The following MACROD1 variants were observed in gnomAD, a reference collection of about 807,000 sequenced individuals.
MACROD1 encodes ADP-ribose glycohydrolase MACROD1.
MACROD1 carries 31 observed loss-of-function variants against 41.4 expected under a neutral mutation model. That is an observed-to-expected ratio of 0.75 (90% CI 0.56 to 1.01). MACROD1 has a LOEUF of 1.01. Among genes scored for constraint, MACROD1 ranks in the 50% least tolerant of loss-of-function variants. The pLI is 0.00. For missense variants in MACROD1, 473 were observed against 460.0 expected, an observed-to-expected ratio of 1.03 and a Z score of -0.26; for synonymous variants, 252 against 203.4, an observed-to-expected ratio of 1.24 and a Z score of -2.03.
intron 3 of MACROD1, among the ~76,000 whole-genome samples, chr11:64,132,245 G>C (rs1477623553): frequency 6.6e-6 from 1 of 152,180 alleles, no homozygotes; most frequent in Non-Finnish European, 1.5e-5. Context: ...TTTGATGCCT[G>C]CTGGCTTTGG....
rs1009125030 is a variant in MACROD1, at chr11:64,165,869, G to A, written c.126C>T (p.Cys42=). 3.5e-6 allele frequency: 5 copies of A among 1,435,862 alleles called. No individual in the cohort carries two copies. The highest frequency in any genetic ancestry group is 6.1e-5 in the East Asian group (2 of 32,882). 88.9% of individuals were successfully genotyped at this position (1,435,862 alleles called of 1,614,324 possible). The change falls in exon 1 of 11, where the codon TGC becomes TGT. Residue 42 remains cysteine (C), a synonymous_variant. Transcript: ENST00000255681. ...AGATRTRSST[C]GPPAFLGVFG... ...ACACGCCCAGGAACGCCGGGGGACC[G>A]CACGTGCTGCTGCGGGTCCTCGTGG...
intron 3 of MACROD1, among the ~76,000 whole-genome samples, chr11:64,126,282 C>T (rs1945179168): frequency 6.6e-6 from 1 of 152,140 alleles, no homozygotes; most frequent in South Asian, 2.1e-4. Flanking sequence ...AGGCCAAGAG[C>T]CATGGGGAGG....
intron 3 of MACROD1, among the ~76,000 whole-genome samples, chr11:64,072,101 T>A (rs1312239961): frequency 6.6e-6 from 1 of 152,166 alleles, no homozygotes; most frequent in Non-Finnish European, 1.5e-5. Flanking sequence ...ACTGCTGAAC[T>A]CATAACCGCT....
At chr11:64,050,074 C>T (rs988141871) in intron 3 of MACROD1, among the ~76,000 whole-genome samples, 3 of 152,170 alleles carry the variant, frequency 2.0e-5, no homozygotes, top group Non-Finnish European at 2.9e-5. Context: ...ACTCTTCCCT[C>T]GAGATCTCTC....
chr11:64,051,663 C>T (rs746721921), intron 3 of MACROD1, among the ~76,000 whole-genome samples: 3 of 152,320 alleles, frequency 2.0e-5, no homozygotes, highest in East Asian at 1.9e-4. Context: ...CAGCCCTCTC[C>T]GAGCTCACGG....
intron 3 of MACROD1, among the ~76,000 whole-genome samples, chr11:64,018,663 C>G (rs993598072): frequency 9.9e-5 from 15 of 152,200 alleles, no homozygotes; most frequent in African/African-American, 3.6e-4. Context: ...GCTTGAGCCT[C>G]TAAGTCCCCT....
At chr11:64,021,579 G>A (rs1020013401) in intron 3 of MACROD1, among the ~76,000 whole-genome samples, 11 of 152,202 alleles carry the variant, frequency 7.2e-5, no homozygotes, top group Non-Finnish European at 1.2e-4. Flanking sequence ...CCTGGAGGCC[G>A]CCTCCACTCC....
chr11:64,086,432 C>G (rs1944396794), intron 3 of MACROD1, among the ~76,000 whole-genome samples: 1 of 152,034 alleles, frequency 6.6e-6, no homozygotes, highest in South Asian at 2.1e-4. Context: ...CAGCTTTCTA[C>G]TCTCCAGTCC....
At chr11:64,104,904 G>T (rs746600245) in intron 3 of MACROD1, among the ~76,000 whole-genome samples, 1 of 152,178 alleles carries the variant, frequency 6.6e-6, no homozygotes, top group African/African-American at 2.4e-5. Flanking sequence ...AGGCTGCACC[G>T]CCAAAAACAC....
intron 3 of MACROD1, among the ~76,000 whole-genome samples, chr11:64,018,758 CTG>C (rs1013764193): frequency 1.1e-4 from 16 of 152,204 alleles, no homozygotes; most frequent in Non-Finnish European, 1.9e-4. Flanking sequence ...GAGGAGGAAA[CTG>C]AGGCTCACAG....
chr11:64,143,193 G>A (rs1378075964), intron 3 of MACROD1, among the ~76,000 whole-genome samples: 1 of 151,692 alleles, frequency 6.6e-6, no homozygotes, highest in African/African-American at 2.4e-5. Context: ...GGGAAAGAAA[G>A]GAAGGAAGAA....
intron 3 of MACROD1, among the ~76,000 whole-genome samples, chr11:64,069,212 G>A (rs931959756): frequency 6.6e-6 from 1 of 152,244 alleles, no homozygotes; most frequent in African/African-American, 2.4e-5. Flanking sequence ...CGCGGCCGGG[G>A]GCCCGAGGTG....
At chr11:64,028,668 G>T (rs867457978) in intron 3 of MACROD1, among the ~76,000 whole-genome samples, 7 of 151,442 alleles carry the variant, frequency 4.6e-5, no homozygotes, top group Non-Finnish European at 7.4e-5. Context: ...TGCCGCTGGC[G>T]CTGGCCCTCT....
At position 64,001,473 on chromosome 11, in the gene MACROD1, A is replaced by G. The variant is rs1224699207; in HGVS notation, c.548-1130T>C. 4.3e-6 allele frequency: 3 copies of G among 702,440 alleles called. No individual in the cohort carries two copies. The East Asian group carries it at 8.0e-5, about 19-fold the overall frequency. 43.5% of individuals were successfully genotyped at this position (702,440 alleles called of 1,614,324 possible). A position where few individuals can be genotyped will look rare whatever the true frequency, so the allele number is the denominator to read the frequency against. On this transcript the variant is annotated intron_variant, in intron 4 of 10. Coordinates refer to ENST00000255681, the MANE Select transcript of MACROD1 (RefSeq NM_014067.4). ...TTTTACAGATGGACAAACCAAGGCCACCTTCTCCTTCATCACCTCAGTCTC... is the reference window on the plus strand; with the variant it reads ...TTTTACAGATGGACAAACCAAGGCCGCCTTCTCCTTCATCACCTCAGTCTC...
chr11:64,121,851 T>C (rs1945103508), intron 3 of MACROD1, among the ~76,000 whole-genome samples: 1 of 152,070 alleles, frequency 6.6e-6, no homozygotes, highest in African/African-American at 2.4e-5. Context: ...AGGTTTAAAG[T>C]TAAAGATAAA....
rs139051254 is a variant in MACROD1 at position 64,095,092 on chromosome 11, G to C, written c.517+56147C>G. The stretch of plus-strand genomic sequence containing the variant: ...AAATGAAAAGGAAAATATACAATGA[G>C]AGGCACTAAGGAAACCTCAGAGGAA... On this transcript the variant is annotated intron_variant, in intron 3 of 10. Transcript: ENST00000255681. Among the ~76,000 whole-genome samples, 86 of 152,172 alleles carry C rather than the reference G, an allele frequency of 5.7e-4. 2 individuals are homozygous for C. Among genetic ancestry groups the C allele is most frequent in the African/African-American group, 1.7e-3 (70 of 41,420 alleles).
intron 3 of MACROD1, among the ~76,000 whole-genome samples, chr11:64,023,861 T>C (rs1943191674): frequency 6.6e-6 from 1 of 152,184 alleles, no homozygotes; most frequent in Admixed American, 6.5e-5. Context: ...CATAAAAGCC[T>C]CACAGTTCAC....
At chr11:64,109,294 C>A (rs1944818890) in intron 3 of MACROD1, among the ~76,000 whole-genome samples, 2 of 152,176 alleles carry the variant, frequency 1.3e-5, no homozygotes, top group South Asian at 2.1e-4. Context: ...CCATAAGCCA[C>A]CACGAGGGGT....
chr11:64,031,392 C>G (rs960899157), intron 3 of MACROD1, among the ~76,000 whole-genome samples: 16 of 151,674 alleles, frequency 1.1e-4, no homozygotes, highest in African/African-American at 3.6e-4. Context: ...CTGTGTTGTG[C>G]ATAATGGTGG....
Sources: gnomAD v4.1 joint callset for allele counts (sites outside exome capture counted in the v4.1 genomes callset) on GRCh38, gnomAD v4.1.1 for gene constraint, MANE v1.5 for transcripts, NCBI Gene and HGNC (gene_info 2026-07-23, HGNC 2026-07-21) for gene names.